Variants in CSMD3 observed in about 807,000 individuals in gnomAD.
CSMD3 encodes CUB and sushi domain-containing protein 3.
CSMD3 carries 177 observed loss-of-function variants against 435.2 expected under a neutral mutation model. That is an observed-to-expected ratio of 0.41 (90% CI 0.36 to 0.46). The LOEUF is 0.46. Among genes scored for constraint, CSMD3 ranks in the 20% least tolerant of loss-of-function variants. The pLI, the probability that CSMD3 is intolerant of heterozygous loss-of-function variation, is 0.34. For synonymous variants in CSMD3, 1,656 were observed against 1,520.5 expected (o/e 1.09, Z -2.07); for missense variants, 4,265 against 4,504.6 (o/e 0.95, Z 1.52).
At chr8:113,278,501 T>C in intron 3 of CSMD3, 91 bp downstream of exon 3, 1 of 678,498 alleles carries the variant, frequency 1.5e-6, no homozygotes, top group Non-Finnish European at 2.8e-6. Context: ...CAACATGATG[T>C]TGTCTCAAAT....
chr8:113,305,045 G>T (rs202100400), intron 2 of CSMD3, among the ~76,000 whole-genome samples: 1 of 146,690 alleles, frequency 6.8e-6, no homozygotes, highest in Non-Finnish European at 1.5e-5. Context: ...GTAAACTATC[G>T]CAAGAACAAA....
rs966342397 is a variant in CSMD3 at position 113,248,488 on chromosome 8, T to G, written c.514+30104A>C. 2.9e-5 allele frequency among the ~76,000 whole-genome samples: 4 copies of G among 137,022 alleles called. No individual in the cohort carries two copies. The Admixed American group carries it at 3.0e-4, about 10-fold the overall frequency. 89.9% of individuals were successfully genotyped at this position (137,022 alleles called of 152,430 possible). On this transcript the variant is annotated intron_variant, in intron 3 of 70. Transcript: ENST00000297405. ...TGTGTGATATATATGTATATATACATATATATACACACACACATATATTTC... is the reference window on the plus strand; with the variant it reads ...TGTGTGATATATATGTATATATACAGATATATACACACACACATATATTTC...
In CSMD3 at chr8:113,296,377, G is replaced by T. The variant is rs562705184; in HGVS notation, c.402-17673C>A. On this transcript the variant is annotated intron_variant, in intron 2 of 70. Transcript: ENST00000297405. ...CTACTAAAATACAAAAAATTAACTG[G>T]TTGAGGTGGCACATGCCTGTAGTCC... is the stretch of plus-strand genomic sequence containing the variant. 9.9e-5 allele frequency among the ~76,000 whole-genome samples: 15 copies of T among 151,834 alleles called. No individual in the cohort carries two copies. The East Asian group carries it at 2.7e-3, about 28-fold the overall frequency.
intron 2 of CSMD3, among the ~76,000 whole-genome samples, chr8:113,303,250 G>T (rs370401076): frequency 1.5e-5 from 2 of 130,342 alleles, no homozygotes; most frequent in East Asian, 4.9e-4. Flanking sequence ...CACTGCTCAA[G>T]GAAATAAAAG....
chr8:113,396,778 A>G (rs763859363), intron 1 of CSMD3, among the ~76,000 whole-genome samples: 10 of 152,178 alleles, frequency 6.6e-5, no homozygotes, highest in African/African-American at 2.2e-4. Context: ...CACATAAAAC[A>G]TAAGTTCCAT....
At chr8:113,088,588 T>C (rs1564300696) in intron 5 of CSMD3, among the ~76,000 whole-genome samples, 1 of 151,478 alleles carries the variant, frequency 6.6e-6, no homozygotes. Context: ...GAAATCATCA[T>C]TCTCAGTAAA....
At chr8:112,277,676 G>A (rs1431330257) in intron 59 of CSMD3, among the ~76,000 whole-genome samples, 1 of 152,056 alleles carries the variant, frequency 6.6e-6, no homozygotes, top group Non-Finnish European at 1.5e-5. Flanking sequence ...CCCAAGACTG[G>A]GTAATTTATA....
At chr8:113,204,182 G>A (rs1026866977) in intron 3 of CSMD3, among the ~76,000 whole-genome samples, 2 of 151,930 alleles carry the variant, frequency 1.3e-5, no homozygotes, top group African/African-American at 2.4e-5. Context: ...AGCTTTTCCA[G>A]TTTATCTTAA....
intron 25 of CSMD3, among the ~76,000 whole-genome samples, chr8:112,553,071 TGCAG>T (rs924141875): frequency 2.4e-4 from 37 of 152,238 alleles, no homozygotes; most frequent in African/African-American, 8.7e-4. Context: ...GCTAACAAAT[TGCAG>T]GCTGAATAAT....
chr8:112,320,726 T>C lies in CSMD3; in HGVS notation c.7166-745A>G, dbSNP rs917682508. On this transcript the variant is annotated intron_variant, in intron 45 of 70. Coordinates refer to ENST00000297405, the MANE Select transcript of CSMD3 (RefSeq NM_198123.2). Reference sequence around the variant, plus strand: ...GTTCTCATTGTTCAATTCCCACCTATGAGTGAATTGCCCCCATTCTTTAAA... The same window carrying C: ...GTTCTCATTGTTCAATTCCCACCTACGAGTGAATTGCCCCCATTCTTTAAA... Among the ~76,000 whole-genome samples the C allele has an allele frequency of 2.7e-5, 4 of 150,508 alleles. No homozygotes were observed. In the South Asian group the frequency reaches 8.6e-4, roughly 32 times the overall value.
intron 13 of CSMD3, among the ~76,000 whole-genome samples, chr8:112,793,742 G>A (rs1308964109): frequency 4.6e-5 from 7 of 152,160 alleles, no homozygotes; most frequent in East Asian, 1.9e-4. Context: ...TTATTTGAAC[G>A]TGGTTTGAAT....
At chr8:112,449,974 T>A (rs1035398486) in intron 32 of CSMD3, among the ~76,000 whole-genome samples, 1 of 152,172 alleles carries the variant, frequency 6.6e-6, no homozygotes, top group Admixed American at 6.5e-5. Flanking sequence ...TCCACCCGCC[T>A]CAGACTCCCA....
In CSMD3 at chr8:112,977,629, C is replaced by T. The variant is rs371801920; in HGVS notation, c.1031-1481G>A. On this transcript the variant is annotated intron_variant, in intron 6 of 70. Coordinates refer to ENST00000297405, the MANE Select transcript of CSMD3 (RefSeq NM_198123.2). ...TGCCCCTGATTCTTCCAGGTTGAGT[C>T]GTCATATCTGAATTTGATTCTAGAA... Among the ~76,000 whole-genome samples the T allele has an allele frequency of 7.2e-5, 11 of 152,004 alleles. No individual in the cohort carries two copies. The East Asian group carries it at 7.7e-4, about 11-fold the overall frequency.
intron 1 of CSMD3, among the ~76,000 whole-genome samples, chr8:113,319,464 C>T (rs969567203): frequency 1.3e-5 from 2 of 151,878 alleles, no homozygotes; most frequent in African/African-American, 4.8e-5. Flanking sequence ...ATATTAACCC[C>T]TTAACAAAAA....
At chr8:112,845,251 TG>T (rs2080286820) in intron 11 of CSMD3, among the ~76,000 whole-genome samples, 1 of 152,052 alleles carries the variant, frequency 6.6e-6, no homozygotes, top group Non-Finnish European at 1.5e-5. Flanking sequence ...ACTCAGGAAC[TG>T]GTTTTTGTCC....
At chr8:112,344,498 C>T (rs1022964961) in intron 41 of CSMD3, among the ~76,000 whole-genome samples, 1 of 152,096 alleles carries the variant, frequency 6.6e-6, no homozygotes, top group Non-Finnish European at 1.5e-5. Flanking sequence ...CATTTATACT[C>T]TGAGGTTGTA....
intron 24 of CSMD3, among the ~76,000 whole-genome samples, chr8:112,573,168 T>C (rs112841609): frequency 1.1e-4 from 16 of 152,112 alleles, no homozygotes; most frequent in African/African-American, 2.9e-4. Context: ...AGTTCAAACA[T>C]TGGATTTCCA....
At chr8:112,885,305 A>G (rs543853428) in intron 10 of CSMD3, among the ~76,000 whole-genome samples, 1 of 151,582 alleles carries the variant, frequency 6.6e-6, no homozygotes, top group Admixed American at 6.6e-5. Context: ...GGAGCCTTCT[A>G]AGAAAGATTG....
intron 17 of CSMD3, among the ~76,000 whole-genome samples, chr8:112,658,797 A>C (rs1447657937): frequency 6.6e-6 from 1 of 152,050 alleles, no homozygotes; most frequent in East Asian, 1.9e-4. Context: ...GTCTCTACTA[A>C]AAATACCAAA....
Sources: allele counts gnomAD v4.1 joint callset (sites outside exome capture counted in the v4.1 genomes callset), GRCh38; gene constraint gnomAD v4.1.1; transcripts MANE v1.5; gene names NCBI Gene and HGNC (gene_info 2026-07-23, HGNC 2026-07-21).